FLI1: variants seen among roughly 807,000 people sequenced by gnomAD.
The protein encoded by FLI1 is Friend leukemia integration 1 transcription factor.
Under a neutral mutation model 53.1 loss-of-function variants are expected in FLI1, and 13 were observed. The ratio of observed to expected loss-of-function variants is 0.24; its 90% CI spans 0.16 to 0.39. The LOEUF is 0.39. Ranked by LOEUF, FLI1 falls within the 10% of genes least tolerant of loss-of-function variation. The pLI is 1.00. For synonymous variants in FLI1, 244 were observed against 236.7 expected (o/e 1.03, Z -0.28); for missense variants, 424 against 600.5 (o/e 0.71, Z 3.07).
At position 128,810,313 on chromosome 11, in the gene FLI1, G is replaced by A. The variant is rs777045666; in HGVS notation, c.830-146G>A. On this transcript the variant is annotated intron_variant, in intron 8 of 8. Transcript: ENST00000527786. This position sits in a 1 kb window ranked among gnomAD's most constrained non-coding sequence, Gnocchi z 6.6. ...GAAAGGCAAATCAACAATGACATAAGAAGGGCTTGTCAAGTCGATCCCAAT... is the reference window on the plus strand; with the variant it reads ...GAAAGGCAAATCAACAATGACATAAAAAGGGCTTGTCAAGTCGATCCCAAT... 2 of 759,670 alleles carry A rather than the reference G, an allele frequency of 2.6e-6. No homozygotes were observed. Among genetic ancestry groups the A allele is most frequent in the Non-Finnish European group, 4.2e-6 (2 of 481,168 alleles). 47.1% of individuals were successfully genotyped at this position (759,670 alleles called of 1,614,324 possible).
Position 128,812,473 on chromosome 11 carries a change from G to C in FLI1, c.*1485G>C, listed in dbSNP as rs570410024. 2 of 225,446 alleles carry C rather than the reference G, an allele frequency of 8.9e-6. No individual in the cohort carries two copies. Among genetic ancestry groups the C allele is most frequent in the African/African-American group, 2.2e-5 (1 of 44,938 alleles). 14.0% of individuals were successfully genotyped at this position (225,446 alleles called of 1,614,324 possible). A position where few individuals can be genotyped will look rare whatever the true frequency, so the allele number is the denominator to read the frequency against. ...CCGTTAGGTCAAAGGGTTTTCCCTG[G>C]GGAACTTTCCTATTTACTTCTTGCA... is the stretch of plus-strand genomic sequence containing the variant. On this transcript the variant is annotated 3_prime_UTR_variant, in exon 9 of 9. Transcript: ENST00000527786.
At chr11:128,769,186 G>A (rs577100501) in intron 3 of FLI1, among the ~76,000 whole-genome samples, 1 of 152,244 alleles carries the variant, frequency 6.6e-6, no homozygotes, top group East Asian at 1.9e-4. Flanking sequence ...TCCATTGGCT[G>A]GACACTCCAC....
At chr11:128,801,154 C>A (rs1038127753) in intron 5 of FLI1, among the ~76,000 whole-genome samples, 1 of 152,214 alleles carries the variant, frequency 6.6e-6, no homozygotes, top group African/African-American at 2.4e-5. Context: ...GCACCACATT[C>A]GAGAGGGCCT....
chr11:128,752,969 T>G (rs1394903603), intron 1 of FLI1, among the ~76,000 whole-genome samples: 1 of 152,130 alleles, frequency 6.6e-6, no homozygotes, highest in Non-Finnish European at 1.5e-5. Flanking sequence ...AAGCAAGCAT[T>G]TCTATCGGCA....
intron 1 of FLI1, among the ~76,000 whole-genome samples, chr11:128,746,485 G>T (rs1940394462): frequency 6.6e-6 from 1 of 152,168 alleles, no homozygotes; most frequent in African/African-American, 2.4e-5. Flanking sequence ...TGAATGTTCT[G>T]ACTCCCACCT....
intron 1 of FLI1, among the ~76,000 whole-genome samples, chr11:128,717,769 C>A (rs1056563480): frequency 1.3e-5 from 2 of 152,180 alleles, no homozygotes; most frequent in Non-Finnish European, 2.9e-5. Context: ...CCCTGCATGC[C>A]TGGGTGCCTG....
chr11:128,773,085 G>A (rs917301497), intron 4 of FLI1, 100 bp downstream of exon 4: 24 of 1,086,148 alleles, frequency 2.2e-5, no homozygotes, highest in Non-Finnish European at 2.6e-5. Context: ...GGCAGATGCC[G>A]CCGGAGCAGC....
At chr11:128,720,895 T>C (rs1212671714) in intron 1 of FLI1, among the ~76,000 whole-genome samples, 2 of 151,956 alleles carry the variant, frequency 1.3e-5, no homozygotes, top group African/African-American at 4.8e-5. Flanking sequence ...GTGGGGAAGG[T>C]GCTTTCTGAG....
chr11:128,805,935 C>G (rs1031605850), intron 6 of FLI1: 5 of 151,670 alleles, frequency 3.3e-5, no homozygotes, highest in Admixed American at 1.3e-4. Context: ...GAGGAGATGC[C>G]GGGGGGTCTG....
At chr11:128,760,590 C>A (rs1023185961) in intron 2 of FLI1, among the ~76,000 whole-genome samples, 2 of 141,588 alleles carry the variant, frequency 1.4e-5, no homozygotes, top group African/African-American at 5.3e-5. Flanking sequence ...TGCAGTGGTA[C>A]AGTCTTGGCT....
chr11:128,753,006 A>G (rs914423113), intron 1 of FLI1, among the ~76,000 whole-genome samples: 3 of 152,190 alleles, frequency 2.0e-5, no homozygotes, highest in African/African-American at 2.4e-5. Flanking sequence ...TGTAGCTCAG[A>G]TGCCACCCCA....
chr11:128,772,697 G>C (rs1253812404), intron 3 of FLI1, 85 bp from the exon 4 acceptor site: 2 of 1,022,438 alleles, frequency 2.0e-6, no homozygotes, highest in Non-Finnish European at 3.1e-6. Context: ...AAGAAAGAGG[G>C]ACAAGGGGTG....
At position 128,782,023 on chromosome 11, in the gene FLI1, G is replaced by A; in HGVS notation, c.655G>A (p.Asp219Asn). Residue 219 changes from aspartate to asparagine, a missense_variant and splice_region_variant, in exon 5 of 9, where the codon GAC becomes AAC. By Grantham distance (23) the Asp-to-Asn change is conservative. Around this residue, in one of 5 missense-constraint regions of FLI1, gnomAD observed 114 missense variants for 117.9 expected, o/e 0.97. Transcript: ENST00000527786. ...DQSSRLSVKEDPSYDSVRRGA... is the reference protein window; with the variant it reads ...DQSSRLSVKENPSYDSVRRGA... ...ATCCTCACGATTGAGTGTCAAAGAAGGTAAGTTTGTTCTTTTGTGCACTTA... is the reference window on the plus strand; with the variant it reads ...ATCCTCACGATTGAGTGTCAAAGAAAGTAAGTTTGTTCTTTTGTGCACTTA... The A allele has an allele frequency of 6.2e-7, 1 of 1,612,916 alleles. No individual in the cohort carries two copies.
intron 1 of FLI1, among the ~76,000 whole-genome samples, chr11:128,720,569 C>T (rs764636910): frequency 4.6e-5 from 7 of 152,132 alleles, no homozygotes; most frequent in East Asian, 1.9e-4. Flanking sequence ...GATGGAAGCC[C>T]GTCCAAGACC....
chr11:128,730,178 T>C (rs1437990655), intron 1 of FLI1, among the ~76,000 whole-genome samples: 1 of 152,250 alleles, frequency 6.6e-6, no homozygotes, highest in Non-Finnish European at 1.5e-5. Context: ...TACCTTGTAT[T>C]GTGCATTTGT....
intron 1 of FLI1, among the ~76,000 whole-genome samples, chr11:128,738,313 A>G (rs1231106784): frequency 1.3e-5 from 2 of 152,202 alleles, no homozygotes; most frequent in African/African-American, 4.8e-5. Context: ...TTTTGCTAAT[A>G]TCCCATAGCT....
chr11:128,701,771 A>G (rs553214165), intron 1 of FLI1, among the ~76,000 whole-genome samples: 1 of 152,332 alleles, frequency 6.6e-6, no homozygotes, highest in African/African-American at 2.4e-5. Context: ...GTCCAAGGCA[A>G]TGAAAGATCT....
chr11:128,745,082 A>G (rs551004352), intron 1 of FLI1, among the ~76,000 whole-genome samples: 1 of 152,234 alleles, frequency 6.6e-6, no homozygotes, highest in Non-Finnish European at 1.5e-5. Context: ...CTGCATATGT[A>G]TATTAAATGT....
chr11:128,743,419 A>G (rs2135780047), intron 1 of FLI1, among the ~76,000 whole-genome samples: 1 of 151,588 alleles, frequency 6.6e-6, no homozygotes, highest in East Asian at 1.9e-4. Flanking sequence ...AAAAAAAAAA[A>G]AAAAAAAGAA....
Sources: allele counts gnomAD v4.1 joint callset (sites outside exome capture counted in the v4.1 genomes callset), GRCh38; gene constraint gnomAD v4.1.1; regional missense constraint gnomAD v4.1.1; non-coding constraint Gnocchi (gnomAD v3.1); transcripts MANE v1.5; gene names NCBI Gene and HGNC (gene_info 2026-07-23, HGNC 2026-07-21).